MELK: variants seen among roughly 807,000 people sequenced by gnomAD.
MELK encodes pEg3 kinase.
In MELK, 81 loss-of-function variants were observed where a neutral mutation model predicts 85.0. The observed-to-expected ratio is 0.95, with a 90% CI of 0.80 to 1.15. MELK has a LOEUF of 1.15. Among genes scored for constraint, MELK ranks in the 50% most tolerant of loss-of-function variants. MELK has a pLI of 0.00. For missense variants in MELK, 754 were observed against 777.5 expected (o/e 0.97, Z 0.36); for synonymous variants, 252 against 265.0 (o/e 0.95, Z 0.48).
At chr9:36,632,791 C>T (rs1423221137) in intron 9 of MELK, among the ~76,000 whole-genome samples, 2 of 152,200 alleles carry the variant, frequency 1.3e-5, no homozygotes, top group African/African-American at 2.4e-5. Flanking sequence ...GAATATTTCC[C>T]GTGAATAGGT....
At chr9:36,626,277 A>T (rs1827921540) in intron 8 of MELK, among the ~76,000 whole-genome samples, 1 of 152,134 alleles carries the variant, frequency 6.6e-6, no homozygotes. Context: ...GATGAAACAA[A>T]TTTTTTGGGG....
intron 17 of MELK, among the ~76,000 whole-genome samples, chr9:36,676,284 A>G (rs960370457): frequency 6.6e-6 from 1 of 152,220 alleles, no homozygotes; most frequent in Non-Finnish European, 1.5e-5. Flanking sequence ...GAAACAATGT[A>G]ACTTCTCCAC....
At chr9:36,597,103 C>A in intron 5 of MELK, 119 bp from the exon 6 acceptor site, 1 of 748,196 alleles carries the variant, frequency 1.3e-6, no homozygotes, top group Non-Finnish European at 2.2e-6. Context: ...CTTCAGAGTG[C>A]TGGGATTACA....
At chr9:36,650,197 C>G (rs901925778) in intron 11 of MELK, among the ~76,000 whole-genome samples, 1 of 151,924 alleles carries the variant, frequency 6.6e-6, no homozygotes, top group African/African-American at 2.4e-5. Flanking sequence ...CCCGCCTCGG[C>G]CTCCCAAAGT....
chr9:36,619,407 AT>A (rs1313414950), intron 8 of MELK, among the ~76,000 whole-genome samples: 1 of 152,234 alleles, frequency 6.6e-6, no homozygotes, highest in Non-Finnish European at 1.5e-5. Flanking sequence ...AAGAGGGGCC[AT>A]GAGTATAACT....
intron 8 of MELK, among the ~76,000 whole-genome samples, chr9:36,622,143 T>C (rs946567709): frequency 6.6e-6 from 1 of 152,248 alleles, no homozygotes; most frequent in African/African-American, 2.4e-5. Flanking sequence ...TAGTTTTTCA[T>C]GTATTTGCAA....
At position 36,665,336 on chromosome 9, in the gene MELK, CTTTT is replaced by C; in HGVS notation, c.1177-8_1177-5del. On this transcript the variant is annotated splice_polypyrimidine_tract_variant and intron_variant, in intron 13 of 17. Coordinates refer to ENST00000298048, the MANE Select transcript of MELK (RefSeq NM_014791.4). ...TTCTTCAGTGTGCTTTATCTAGTAA[CTTTT>C]TTTTTCCAGTTTACCAAGTACTGGA... 6.5e-7 allele frequency: 1 copy of C among 1,529,094 alleles called. No individual in the cohort carries two copies. The highest frequency in any genetic ancestry group is 8.9e-7 in the Non-Finnish European group (1 of 1,119,192). The allele number at this position is 1,529,094 out of a possible 1,614,324, so 94.7% of individuals were successfully genotyped here.
intron 11 of MELK, among the ~76,000 whole-genome samples, chr9:36,644,368 T>A (rs1427697965): frequency 1.3e-5 from 2 of 152,170 alleles, no homozygotes. Context: ...TTGCTTTATC[T>A]GTTCTTTAAC....
intron 10 of MELK, among the ~76,000 whole-genome samples, chr9:36,636,802 TTCTG>T (rs1223127116): frequency 7.3e-4 from 55 of 75,348 alleles, no homozygotes; most frequent in African/African-American, 1.7e-3. Flanking sequence ...CTTTCTTTCT[TTCTG>T]TCTTTCTTTC....
At chr9:36,657,190 A>G (rs773132335) in intron 12 of MELK, 51 bp from the exon 13 acceptor site, 3 of 1,554,994 alleles carry the variant, frequency 1.9e-6, no homozygotes, top group East Asian at 4.5e-5. Context: ...TATTTTAAAT[A>G]TTGAATCATA....
At chr9:36,657,932 T>G (rs1277828073) in intron 13 of MELK, among the ~76,000 whole-genome samples, 1 of 152,208 alleles carries the variant, frequency 6.6e-6, no homozygotes, top group Non-Finnish European at 1.5e-5. Context: ...TACATGTAGT[T>G]AAATAGGTAA....
intron 10 of MELK, among the ~76,000 whole-genome samples, chr9:36,635,036 A>C (rs1330324480): frequency 6.6e-6 from 1 of 152,190 alleles, no homozygotes; most frequent in African/African-American, 2.4e-5. Context: ...AAACTTTGGT[A>C]TTGTAGAAGT....
intron 8 of MELK, among the ~76,000 whole-genome samples, chr9:36,623,535 C>T (rs182393597): frequency 1.3e-5 from 2 of 152,306 alleles, no homozygotes; most frequent in Admixed American, 1.3e-4. Context: ...CAGAGGTGTT[C>T]TGCCCAAATA....
intron 1 of MELK, among the ~76,000 whole-genome samples, chr9:36,573,394 C>T (rs1437059142): frequency 6.6e-6 from 1 of 152,128 alleles, no homozygotes; most frequent in Non-Finnish European, 1.5e-5. Flanking sequence ...TTTACTGGGG[C>T]AGTGCAATAA....
rs527449224 is a variant in MELK at position 36,674,683 on chromosome 9, G to C, written c.1675-151G>C. ...TCCCAGTGGGCCATTAACTCACTAA[G>C]AGTTGACTGTAAATTCCTTTGATAT... On this transcript the variant is annotated intron_variant, in intron 16 of 17. Transcript: ENST00000298048. The C allele has an allele frequency of 3.0e-5, 14 of 461,942 alleles. No homozygotes were observed. In the Admixed American group the frequency reaches 3.5e-4, roughly 11 times the overall value. The allele number at this position is 461,942 out of a possible 1,614,324, so 28.6% of individuals were successfully genotyped here.
intron 2 of MELK, among the ~76,000 whole-genome samples, chr9:36,582,159 G>A (rs1381264509): frequency 1.3e-5 from 2 of 151,986 alleles, no homozygotes; most frequent in South Asian, 2.1e-4. Flanking sequence ...TAGTAGAGAC[G>A]GGGTTTCACC....
At chr9:36,622,789 G>A (rs1054705698) in intron 8 of MELK, among the ~76,000 whole-genome samples, 1 of 152,036 alleles carries the variant, frequency 6.6e-6, no homozygotes, top group Non-Finnish European at 1.5e-5. Flanking sequence ...ATTATGTATT[G>A]GTGAGATGGC....
intron 6 of MELK, 118 bp from the exon 7 acceptor site, chr9:36,599,276 G>T: frequency 1.6e-6 from 1 of 624,304 alleles, no homozygotes; most frequent in Non-Finnish European, 2.5e-6. Context: ...ACTCCAGCCT[G>T]GGTGACAGAG....
chr9:36,627,579 T>C (rs1260134973), intron 8 of MELK, among the ~76,000 whole-genome samples: 1 of 146,528 alleles, frequency 6.8e-6, no homozygotes, highest in African/African-American at 2.6e-5. Context: ...CAGGCTGGAG[T>C]GCAATGGCGC....
Sources: allele counts gnomAD v4.1 joint callset (sites outside exome capture counted in the v4.1 genomes callset), GRCh38; gene constraint gnomAD v4.1.1; transcripts MANE v1.5; gene names NCBI Gene and HGNC (gene_info 2026-07-23, HGNC 2026-07-21).